MACROD1: variants seen among roughly 807,000 people sequenced by gnomAD.
The protein encoded by MACROD1 is ADP-ribose glycohydrolase MACROD1.
A neutral mutation model predicts 41.4 loss-of-function variants in MACROD1; 31 were observed. The ratio of observed to expected loss-of-function variants is 0.75; its 90% confidence interval spans 0.56 to 1.01. MACROD1 has a LOEUF of 1.01. Among genes scored for constraint, MACROD1 ranks in the 50% least tolerant of loss-of-function variants. The probability of loss-of-function intolerance (pLI) is 0.00; values close to 1 mark genes in which losing one functional copy is unlikely to be tolerated. For synonymous variants in MACROD1, 252 were observed against 203.4 expected (o/e 1.24, Z -2.03); for missense variants, 473 against 460.0 (o/e 1.03, Z -0.26).
At chr11:64,018,793 T>C (rs546959071) in intron 3 of MACROD1, among the ~76,000 whole-genome samples, 5 of 152,188 alleles carry the variant, frequency 3.3e-5, no homozygotes, top group Admixed American at 2.0e-4. Flanking sequence ...CTGGGGGAGA[T>C]GCAGGTGGGC....
rs1357880714 is a variant in MACROD1, at chr11:64,067,266, G to A, written c.518-51985C>T. ...CCACTCCCACCTGTGCGGCACGAGA[G>A]GGAGGGAAGGAGCATCATTAACACG... On this transcript the variant is annotated intron_variant, in intron 3 of 10. Coordinates refer to ENST00000255681, the MANE Select transcript of MACROD1 (RefSeq NM_014067.4). This position sits in a 1 kb window ranked among gnomAD's most constrained non-coding sequence, Gnocchi z 4.6. Among the ~76,000 whole-genome samples, 1 of 152,146 alleles carries A rather than the reference G, an allele frequency of 6.6e-6. No homozygotes were observed. The highest frequency in any genetic ancestry group is 6.5e-5 in the Admixed American group (1 of 15,280).
chr11:64,094,417 T>G (rs1235323523), intron 3 of MACROD1, among the ~76,000 whole-genome samples: 2 of 143,084 alleles, frequency 1.4e-5, no homozygotes, highest in Non-Finnish European at 1.5e-5. Context: ...GGCGACAGAG[T>G]GAGACTCCAA....
chr11:64,164,034 T>A (rs1489956016), intron 1 of MACROD1, among the ~76,000 whole-genome samples: 1 of 152,156 alleles, frequency 6.6e-6, no homozygotes, highest in Non-Finnish European at 1.5e-5. Flanking sequence ...GGTGGCCCCA[T>A]CTGCTATGGT....
At position 64,063,764 on chromosome 11, in the gene MACROD1, C is replaced by T. The variant is rs575097302; in HGVS notation, c.518-48483G>A. 2.0e-5 allele frequency among the ~76,000 whole-genome samples: 3 copies of T among 152,340 alleles called. No individual in the cohort carries two copies. The South Asian group carries it at 6.2e-4, about 32-fold the overall frequency. On this transcript the variant is annotated intron_variant, in intron 3 of 10. Coordinates refer to ENST00000255681, the MANE Select transcript of MACROD1 (RefSeq NM_014067.4). ...AGCCACGCGGTCCTCGCCCGGCTGTCAGCCAGCAATCATGCCTAATAAAGG... is the reference window on the plus strand; with the variant it reads ...AGCCACGCGGTCCTCGCCCGGCTGTTAGCCAGCAATCATGCCTAATAAAGG...
chr11:64,113,435 T>C (rs955788685), intron 3 of MACROD1, among the ~76,000 whole-genome samples: 3 of 149,556 alleles, frequency 2.0e-5, no homozygotes, highest in African/African-American at 4.9e-5. Context: ...GATGGATGGA[T>C]GGATGGATGG....
At chr11:64,007,355 C>T (rs758208745) in intron 4 of MACROD1, among the ~76,000 whole-genome samples, 2 of 152,114 alleles carry the variant, frequency 1.3e-5, no homozygotes, top group Non-Finnish European at 2.9e-5. Context: ...GGATGGGCGC[C>T]GTTCAGAGGA....
At chr11:64,074,000 T>C (rs1944156443) in intron 3 of MACROD1, among the ~76,000 whole-genome samples, 1 of 152,134 alleles carries the variant, frequency 6.6e-6, no homozygotes, top group African/African-American at 2.4e-5. Context: ...CAGAGGCGTC[T>C]GGCCAGGCCC....
At chr11:64,058,403 TG>T (rs36076587) in intron 3 of MACROD1, among the ~76,000 whole-genome samples, 3,791 of 151,372 alleles carry the variant, frequency 0.025, 152 homozygotes, top group African/African-American at 0.085. Flanking sequence ...GAGGAGGGCT[TG>T]GGGGGGGGTC....
At chr11:64,153,109 C>T (rs115870778) in intron 1 of MACROD1, among the ~76,000 whole-genome samples, 9,991 of 152,094 alleles carry the variant, frequency 0.066, 402 homozygotes, top group Middle Eastern at 0.15. Flanking sequence ...CCACCCTGGC[C>T]GGCTCCCCTT....
intron 3 of MACROD1, among the ~76,000 whole-genome samples, chr11:64,025,514 C>G (rs1356807430): frequency 6.6e-6 from 1 of 152,216 alleles, no homozygotes; most frequent in African/African-American, 2.4e-5. Context: ...CAGAAGCCCC[C>G]TCCCTGCAGA....
Position 64,165,720 on chromosome 11 carries a change from G to T in MACROD1, c.275C>A (p.Ser92Tyr). ...AMAAKVDLST[S>Y]TDWKEAKSFL... ...ACATTTCGCCTCCTTCCAGTCGGTG[G>T]AGGTGCTCAGGTCCACCTTCGCCGC... The change falls in exon 1 of 11, where the codon TCC (serine) becomes TAC (tyrosine). Residue 92 changes from serine (S) to tyrosine (Y), a missense_variant. Physicochemically the swap from Ser to Tyr is moderately radical, Grantham distance 144. Transcript: ENST00000255681. 1 of 1,482,534 alleles carries T rather than the reference G, an allele frequency of 6.7e-7. No individual in the cohort carries two copies. 91.8% of individuals were successfully genotyped at this position (1,482,534 alleles called of 1,614,324 possible). A position where few individuals can be genotyped will look rare whatever the true frequency, so the allele number is the denominator to read the frequency against.
intron 3 of MACROD1, among the ~76,000 whole-genome samples, chr11:64,019,428 GCAC>G (rs1943124617): frequency 1.3e-5 from 2 of 152,162 alleles, no homozygotes; most frequent in South Asian, 4.1e-4. Flanking sequence ...CTCTGCCCCA[GCAC>G]TTGCTGTCCC....
At chr11:64,060,252 A>G (rs1943873852) in intron 3 of MACROD1, among the ~76,000 whole-genome samples, 1 of 152,236 alleles carries the variant, frequency 6.6e-6, no homozygotes. Context: ...GCGGGCGCCC[A>G]GGAGGCCCCA....
intron 3 of MACROD1, among the ~76,000 whole-genome samples, chr11:64,039,383 G>A (rs748589414): frequency 7.2e-5 from 11 of 152,174 alleles, no homozygotes; most frequent in Non-Finnish European, 1.6e-4. Flanking sequence ...TGCCCCCGGT[G>A]TACTGCCTTC....
intron 4 of MACROD1, among the ~76,000 whole-genome samples, chr11:64,008,423 G>A (rs959761698): frequency 4.5e-3 from 17 of 3,796 alleles, no homozygotes; most frequent in African/African-American, 0.01. Flanking sequence ...GTTAGGGTGC[G>A]GGCGCGGGAC....
rs1480403789 is a variant in MACROD1, at chr11:63,999,389, G to C, written c.833C>G (p.Ala278Gly). 2 of 1,591,340 alleles carry C rather than the reference G, an allele frequency of 1.3e-6. No individual in the cohort carries two copies. Among genetic ancestry groups the C allele is most frequent in the African/African-American group, 1.3e-5 (1 of 74,892 alleles). ...STGVFGYPCE[A>G]AAEIVLATLR... ...CGTGGCCAGCACGATCTCGGCGGCC[G>C]CCTCACAGGGGTAGCCTGAGGCGGG... Residue 278 changes from alanine (A) to glycine (G), a missense_variant, in exon 8 of 11, where the codon GCG (alanine) becomes GGG (glycine). Physicochemically the swap from Ala to Gly is moderately conservative, Grantham distance 60. Coordinates refer to ENST00000255681, the MANE Select transcript of MACROD1 (RefSeq NM_014067.4).
chr11:64,039,082 T>C (rs375069886), intron 3 of MACROD1, among the ~76,000 whole-genome samples: 6 of 152,228 alleles, frequency 3.9e-5, no homozygotes, highest in African/African-American at 1.4e-4. Context: ...GAGGTGGCCC[T>C]CATCCCCTGC....
chr11:64,095,858 T>C (rs1347661706), intron 3 of MACROD1, among the ~76,000 whole-genome samples: 1 of 151,998 alleles, frequency 6.6e-6, no homozygotes, highest in African/African-American at 2.4e-5. Flanking sequence ...AGCGCGAGGC[T>C]GAGGGGAGGG....
chr11:64,149,976 C>A (rs1321887497), intron 3 of MACROD1, among the ~76,000 whole-genome samples: 1 of 152,196 alleles, frequency 6.6e-6, no homozygotes, highest in African/African-American at 2.4e-5. Context: ...CAAGGTGACC[C>A]TAGCTCTCCC....
Sources: allele counts gnomAD v4.1 joint callset (sites outside exome capture counted in the v4.1 genomes callset), GRCh38; gene constraint gnomAD v4.1.1; non-coding constraint Gnocchi (gnomAD v3.1); transcripts MANE v1.5; gene names NCBI Gene and HGNC (gene_info 2026-07-23, HGNC 2026-07-21).